The following STAU2 variants were observed in gnomAD, a reference collection of about 807,000 sequenced individuals.
STAU2 encodes the protein staufen double-stranded RNA binding protein 2, also known as double-stranded RNA-binding protein Staufen homolog 2.
A neutral mutation model predicts 65.9 loss-of-function variants in STAU2; 20 were observed. The ratio of observed to expected loss-of-function variants is 0.30; its 90% CI spans 0.21 to 0.44. The LOEUF is 0.44. Among genes scored for constraint, STAU2 ranks in the 20% least tolerant of loss-of-function variants. STAU2 has a pLI of 1.00. For synonymous variants in STAU2, 232 were observed against 233.9 expected (o/e 0.99, Z 0.07); for missense variants, 558 against 683.9 (o/e 0.82, Z 2.05).
At chr8:73,485,937 G>A (rs1820888631) in intron 13 of STAU2, among the ~76,000 whole-genome samples, 1 of 152,072 alleles carries the variant, frequency 6.6e-6, no homozygotes, top group East Asian at 1.9e-4. Context: ...AAAGCCCAAG[G>A]AAAATTAGGT....
chr8:73,732,412 G>GATTACACCATGGTGTAA (rs1310403155), intron 3 of STAU2, among the ~76,000 whole-genome samples: 45 of 152,322 alleles, frequency 3.0e-4, no homozygotes, highest in African/African-American at 1.0e-3. Flanking sequence ...TGTGTATGGG[G>GATTACACCATGGTGTAA]ATTACACCAT....
intron 4 of STAU2, among the ~76,000 whole-genome samples, chr8:73,700,505 T>C (rs190253521): frequency 6.6e-6 from 1 of 152,222 alleles, no homozygotes; most frequent in African/African-American, 2.4e-5. Context: ...ACTAAATCAG[T>C]AGCATTTCTA....
At chr8:73,656,072 C>G (rs879557123) in intron 6 of STAU2, among the ~76,000 whole-genome samples, 3 of 152,096 alleles carry the variant, frequency 2.0e-5, no homozygotes, top group Admixed American at 2.0e-4. Context: ...CATGAGTCAC[C>G]GTGCCAGGCC....
At chr8:73,736,850 G>A (rs1304062428) in intron 3 of STAU2, among the ~76,000 whole-genome samples, 3 of 152,130 alleles carry the variant, frequency 2.0e-5, no homozygotes, top group South Asian at 2.1e-4. Flanking sequence ...ACTATATGTC[G>A]GAAGGCAGGG....
intron 5 of STAU2, among the ~76,000 whole-genome samples, chr8:73,682,556 C>T (rs1217667493): frequency 6.6e-6 from 1 of 151,854 alleles, no homozygotes; most frequent in Non-Finnish European, 1.5e-5. Flanking sequence ...TAGGGTCACA[C>T]CTCAAGAACT....
chr8:73,570,086 G>A (rs532491701), intron 12 of STAU2, among the ~76,000 whole-genome samples: 6 of 152,164 alleles, frequency 3.9e-5, no homozygotes, highest in South Asian at 4.2e-4. Context: ...TTCGACAAAC[G>A]GCTAACTAGA....
chr8:73,592,925 G>T (rs1175081492), intron 11 of STAU2, among the ~76,000 whole-genome samples: 1 of 152,140 alleles, frequency 6.6e-6, no homozygotes, highest in African/African-American at 2.4e-5. Flanking sequence ...CTCATCAAAA[G>T]TCTTATTGAT....
chr8:73,472,968 C>A (rs1585829892), intron 13 of STAU2, among the ~76,000 whole-genome samples: 1 of 152,112 alleles, frequency 6.6e-6, no homozygotes, highest in Non-Finnish European at 1.5e-5. Context: ...GACTCAGCAG[C>A]AAATTTAAGA....
chr8:73,569,330 C>A (rs1415967594), intron 12 of STAU2, among the ~76,000 whole-genome samples: 2 of 152,112 alleles, frequency 1.3e-5, no homozygotes, highest in Admixed American at 1.3e-4. Context: ...CTGGGTGGAG[C>A]CCACCACAGC....
rs2130478263 is a variant in STAU2 at position 73,421,398 on chromosome 8, A to C, written c.1687T>G (p.Cys563Gly). 1.3e-6 allele frequency: 2 copies of C among 1,537,284 alleles called. No individual in the cohort carries two copies. Among genetic ancestry groups the C allele is most frequent in the Non-Finnish European group, 1.7e-6 (2 of 1,146,918 alleles). ...TAGACGGCCGAGTTTGATTTCTTGC[A>C]GTCCTGAGCGATGGAGCCCGGGGGT... is the stretch of plus-strand genomic sequence containing the variant. Reference protein sequence around the residue: ...QAPPGSIAQDCKKSNSAV With the variant: ...QAPPGSIAQDGKKSNSAV Residue 563 changes from cysteine to glycine, a missense_variant, in exon 15 of 15, where the codon TGC (cysteine) becomes GGC (glycine). Around this residue, in one of 3 missense-constraint regions of STAU2, gnomAD observed 247 missense variants for 270.1 expected, o/e 0.91. Coordinates refer to ENST00000524300, the MANE Select transcript of STAU2 (RefSeq NM_001164380.2).
intron 13 of STAU2, among the ~76,000 whole-genome samples, chr8:73,491,605 TA>T (rs1004018041): frequency 2.6e-5 from 4 of 151,942 alleles, no homozygotes; most frequent in African/African-American, 9.7e-5. Flanking sequence ...TTTTTTTAAC[TA>T]AAAAAATTAG....
chr8:73,527,849 G>C, intron 13 of STAU2: 1 of 1,245,496 alleles, frequency 8.0e-7, no homozygotes, highest in Admixed American at 2.0e-5. Context: ...TTTTCAGAGG[G>C]GACAAGATGC....
chr8:73,504,887 G>A (rs1409276488), intron 13 of STAU2, among the ~76,000 whole-genome samples: 1 of 151,796 alleles, frequency 6.6e-6, no homozygotes, highest in East Asian at 1.9e-4. Context: ...AAACTTTTTT[G>A]TATACATCTA....
At chr8:73,484,729 T>A (rs1165277920) in intron 13 of STAU2, among the ~76,000 whole-genome samples, 1 of 152,090 alleles carries the variant, frequency 6.6e-6, no homozygotes, top group Non-Finnish European at 1.5e-5. Context: ...GACCAGCCTG[T>A]GATTCCCAGT....
At chr8:73,621,774 C>G (rs1048895798) in intron 6 of STAU2, among the ~76,000 whole-genome samples, 2 of 152,128 alleles carry the variant, frequency 1.3e-5, no homozygotes, top group African/African-American at 4.8e-5. Context: ...TCTGCTGCAT[C>G]AGAGTTTCTG....
At position 73,573,740 on chromosome 8, in the gene STAU2, C is replaced by G. The variant is rs571684020; in HGVS notation, c.1222+9030G>C. Among the ~76,000 whole-genome samples the G allele has an allele frequency of 2.2e-3, 339 of 152,116 alleles. 1 individual carries two copies. The highest frequency in any genetic ancestry group is 3.9e-3 in the Non-Finnish European group (268 of 67,970). On this transcript the variant is annotated intron_variant, in intron 12 of 14. Transcript: ENST00000524300. ...CTGGATCCCTTCCTTACACCTTATA[C>G]AAAAAAATTAATTCAAGATGGATTA...
At chr8:73,688,445 C>T (rs1586276508) in intron 5 of STAU2, among the ~76,000 whole-genome samples, 1 of 151,718 alleles carries the variant, frequency 6.6e-6, no homozygotes, top group East Asian at 1.9e-4. Flanking sequence ...GGATTACAGG[C>T]GTGAGCCAAC....
intron 13 of STAU2, among the ~76,000 whole-genome samples, chr8:73,424,201 CTTTTT>C (rs59063960): frequency 3.5e-5 from 4 of 115,282 alleles, no homozygotes; most frequent in South Asian, 5.8e-4. Context: ...TCCTCTATGT[CTTTTT>C]TTTTTTTTTT....
At chr8:73,559,771 A>C (rs7825328) in intron 12 of STAU2, among the ~76,000 whole-genome samples, 3 of 152,072 alleles carry the variant, frequency 2.0e-5, no homozygotes, top group South Asian at 2.1e-4. Context: ...AGTATTTGTA[A>C]GTGACTCCAC....
Sources: allele counts gnomAD v4.1 joint callset (sites outside exome capture counted in the v4.1 genomes callset), GRCh38; gene constraint gnomAD v4.1.1; regional missense constraint gnomAD v4.1.1; transcripts MANE v1.5; gene names NCBI Gene and HGNC (gene_info 2026-07-23, HGNC 2026-07-21).